TMEM236: variants seen among roughly 807,000 people sequenced by gnomAD.
TMEM236 encodes the protein transmembrane protein 236.
Under a neutral mutation model 14.7 loss-of-function variants are expected in TMEM236, and 11 were observed. The observed-to-expected ratio is 0.75, with a 90% CI of 0.47 to 1.24. The LOEUF (loss-of-function observed/expected upper bound fraction) is 1.24, where lower values mean the gene tolerates loss of function less well. Ranked by LOEUF, TMEM236 falls within the 50% of genes most tolerant of loss-of-function variation. The pLI is 0.00. For synonymous variants in TMEM236, 182 were observed against 168.6 expected (o/e 1.08, Z -0.62); for missense variants, 464 against 427.3 (o/e 1.09, Z -0.76).
chr10:17,768,086 G>GTTTTTTTTTTTTTTTTTTTTTTTTT (rs879036347), intron 1 of TMEM236, among the ~76,000 whole-genome samples: 4 of 92,020 alleles, frequency 4.3e-5, no homozygotes, highest in African/African-American at 8.8e-5. Flanking sequence ...AATTTTTGTG[G>GTTTTTTTTTTTTTTTTTTTTTTTTT]TTTTTTTTTT....
intron 1 of TMEM236, among the ~76,000 whole-genome samples, chr10:17,763,951 T>C (rs1231978430): frequency 6.6e-6 from 1 of 152,048 alleles, no homozygotes; most frequent in South Asian, 2.1e-4. Context: ...ACTCAGAGGG[T>C]TGTTGTGGGG....
At chr10:17,759,982 CAAAAAAAAAAAAA>C (rs35596189) in intron 1 of TMEM236, among the ~76,000 whole-genome samples, 610 of 54,744 alleles carry the variant, frequency 0.011, 14 homozygotes, top group African/African-American at 0.037. Context: ...GACTCCGTCT[CAAAAAAAAAAAAA>C]AAAAAAAAAA....
At chr10:17,772,342 T>A (rs942006665) in intron 2 of TMEM236, among the ~76,000 whole-genome samples, 1 of 152,200 alleles carries the variant, frequency 6.6e-6, no homozygotes, top group Non-Finnish European at 1.5e-5. Flanking sequence ...AGAATAATTT[T>A]GGGAGGTTAC....
At chr10:17,759,851 G>A (rs1208873719) in intron 1 of TMEM236, among the ~76,000 whole-genome samples, 2 of 151,856 alleles carry the variant, frequency 1.3e-5, no homozygotes, top group African/African-American at 4.8e-5. Context: ...CGTGGTGGTG[G>A]ACGCCTGTAT....
At chr10:17,777,000 G>A (rs1837668175) in intron 3 of TMEM236, among the ~76,000 whole-genome samples, 1 of 152,174 alleles carries the variant, frequency 6.6e-6, no homozygotes, top group Non-Finnish European at 1.5e-5. Context: ...ATTTTGTCAT[G>A]TTGTGCATTT....
At chr10:17,775,481 C>A (rs1278391624) in intron 2 of TMEM236, among the ~76,000 whole-genome samples, 1 of 152,128 alleles carries the variant, frequency 6.6e-6, no homozygotes, top group African/African-American at 2.4e-5. Context: ...GGCCTTGTTG[C>A]TCAGGTTGGT....
At position 17,798,512 on chromosome 10, in the gene TMEM236, C is replaced by T. The variant is rs1838050267; in HGVS notation, c.*2008C>T. 1 of 530,504 alleles carries T rather than the reference C, an allele frequency of 1.9e-6. No homozygotes were observed. Among genetic ancestry groups the T allele is most frequent in the Non-Finnish European group, 3.9e-6 (1 of 258,342 alleles). The allele number at this position is 530,504 out of a possible 1,614,324, so 32.9% of individuals were successfully genotyped here. A position where few individuals can be genotyped will look rare whatever the true frequency, so the allele number is the denominator to read the frequency against. Reference sequence around the variant, plus strand: ...TATGATCATGCCACTGCACTCCAGACTGGGCAACAGAGTGACACCCATCTA... The same window carrying T: ...TATGATCATGCCACTGCACTCCAGATTGGGCAACAGAGTGACACCCATCTA... On this transcript the variant is annotated 3_prime_UTR_variant, in exon 4 of 4. Coordinates refer to ENST00000377495, the MANE Select transcript of TMEM236 (RefSeq NM_001098844.3).
chr10:17,791,867 G>A (rs1837930813), intron 3 of TMEM236, among the ~76,000 whole-genome samples: 2 of 152,104 alleles, frequency 1.3e-5, no homozygotes, highest in Non-Finnish European at 2.9e-5. Context: ...TTATTGGTGT[G>A]ATTGCAGGAG....
intron 3 of TMEM236, among the ~76,000 whole-genome samples, chr10:17,784,033 G>C (rs1837796418): frequency 6.6e-6 from 1 of 151,804 alleles, no homozygotes. Context: ...ATGTTTCAGG[G>C]TTCTCATTTG....
At position 17,771,433 on chromosome 10, in the gene TMEM236, C is replaced by G. The variant is rs1054807602; in HGVS notation, c.330+52C>G. 3 of 1,558,848 alleles carry G rather than the reference C, an allele frequency of 1.9e-6. No individual in the cohort carries two copies. In the East Asian group the frequency reaches 6.7e-5, roughly 35 times the overall value. On this transcript the variant is annotated intron_variant, in intron 2 of 3. Transcript: ENST00000377495. ...ACAAGATTATGAGATTTTATAATTTCTTGTTATTGGAATTTGATAGAGCAG... is the reference window on the plus strand; with the variant it reads ...ACAAGATTATGAGATTTTATAATTTGTTGTTATTGGAATTTGATAGAGCAG...
intron 1 of TMEM236, among the ~76,000 whole-genome samples, chr10:17,764,464 T>A (rs1215555622): frequency 6.6e-6 from 1 of 152,230 alleles, no homozygotes; most frequent in African/African-American, 2.4e-5. Context: ...GCATGAATAG[T>A]CTTTCAAAGA....
chr10:17,794,333 C>T (rs1258414808), intron 3 of TMEM236, among the ~76,000 whole-genome samples: 4 of 152,160 alleles, frequency 2.6e-5, no homozygotes, highest in African/African-American at 7.2e-5. Flanking sequence ...GGCAGCTCAG[C>T]ATGTTTGCTG....
chr10:17,775,425 C>T (rs1473450568), intron 2 of TMEM236, among the ~76,000 whole-genome samples: 1 of 152,122 alleles, frequency 6.6e-6, no homozygotes, highest in Non-Finnish European at 1.5e-5. Flanking sequence ...AAGATGTGTG[C>T]CACCACACCC....
chr10:17,759,897 G>A (rs1393236423), intron 1 of TMEM236, among the ~76,000 whole-genome samples: 1 of 149,964 alleles, frequency 6.7e-6, no homozygotes, highest in African/African-American at 2.5e-5. Flanking sequence ...GCAGGAGAAT[G>A]GCGTGAACCC....
rs1554836346 is a variant in TMEM236, at chr10:17,795,926, G to A, written c.478G>A (p.Glu160Lys). 14 of 1,613,696 alleles carry A rather than the reference G, an allele frequency of 8.7e-6. No individual in the cohort carries two copies. The highest frequency in any genetic ancestry group is 5.9e-6 in the Non-Finnish European group (7 of 1,179,758). The change falls in exon 4 of 4, where the codon GAA becomes AAA. Residue 160 changes from glutamate (E) to lysine (K), a missense_variant. Physicochemically the swap from Glu to Lys is moderately conservative, Grantham distance 56 (BLOSUM62 1). Coordinates refer to ENST00000377495, the MANE Select transcript of TMEM236 (RefSeq NM_001098844.3). ...AATAAATCTGTTAATTGCAGGTAGT[G>A]AAAATGGACACATCCATTCAACCTC... The part of the protein sequence containing the change: ...YPLRGSQKSS[E>K]NGHIHSTSLQ...
At position 17,776,088 on chromosome 10, in the gene TMEM236, C is replaced by T. The variant is rs1456705780; in HGVS notation, c.390C>T (p.Pro130=). The change falls in exon 3 of 4, where the codon CCC becomes CCT. Residue 130 remains proline (P), a synonymous_variant. Coordinates refer to ENST00000377495, the MANE Select transcript of TMEM236 (RefSeq NM_001098844.3). Reference sequence around the variant, plus strand: ...TACCTGATATGTTACCTGACCTGCCCGTATCTCTGGTTCTGTTATCCCTGA... The same window carrying T: ...TACCTGATATGTTACCTGACCTGCCTGTATCTCTGGTTCTGTTATCCCTGA... ...DVLPDMLPDL[P]VSLVLLSLIM... The T allele has an allele frequency of 1.5e-5, 25 of 1,613,680 alleles. No individual in the cohort carries two copies. In the Middle Eastern group the frequency reaches 1.3e-3, roughly 85 times the overall value.
chr10:17,782,002 A>G (rs1554835459), intron 3 of TMEM236, among the ~76,000 whole-genome samples: 1 of 152,004 alleles, frequency 6.6e-6, no homozygotes, highest in Non-Finnish European at 1.5e-5. Flanking sequence ...GAAGAGATAG[A>G]TAGGTTGCCA....
At chr10:17,780,292 C>A (rs1837725733) in intron 3 of TMEM236, among the ~76,000 whole-genome samples, 3 of 152,178 alleles carry the variant, frequency 2.0e-5, no homozygotes, top group African/African-American at 7.2e-5. Context: ...TCGTTAGAGT[C>A]CTCTCCTTGT....
At chr10:17,761,006 T>A (rs1438213617) in intron 1 of TMEM236, among the ~76,000 whole-genome samples, 1 of 152,188 alleles carries the variant, frequency 6.6e-6, no homozygotes, top group Non-Finnish European at 1.5e-5. Context: ...CCAAGCCGTA[T>A]CACACTGTAA....
Sources: gnomAD v4.1 joint callset for allele counts (sites outside exome capture counted in the v4.1 genomes callset) on GRCh38, gnomAD v4.1.1 for gene constraint, MANE v1.5 for transcripts, NCBI Gene and HGNC (gene_info 2026-07-23, HGNC 2026-07-21) for gene names.